TMEM164: variants seen among roughly 807,000 people sequenced by gnomAD.
TMEM164 encodes RP13-360B22.2.
TMEM164 carries 4 observed loss-of-function variants against 18.8 expected under a neutral mutation model. The observed-to-expected ratio is 0.21, with a 90% CI of 0.10 to 0.49. TMEM164 has a LOEUF of 0.49. Among genes scored for constraint, TMEM164 ranks in the 20% least tolerant of loss-of-function variants. The pLI is 0.98. For missense variants in TMEM164, 108 were observed against 239.9 expected, an observed-to-expected ratio of 0.45 and a Z score of 3.63; for synonymous variants, 86 against 101.7, an observed-to-expected ratio of 0.85 and a Z score of 0.93.
intron 2 of TMEM164, among the ~76,000 whole-genome samples, chrX:110,028,851 A>AT (rs1231079635): frequency 9.0e-6 from 1 of 111,275 alleles, no homozygotes; most frequent in African/African-American, 3.3e-5. Flanking sequence ...TTACTGGGAG[A>AT]TTTTTTAAAG....
chrX:110,108,948 G>A, intron 3 of TMEM164, 132 bp from the exon 4 acceptor site: 1 of 562,505 alleles, frequency 1.8e-6, no homozygotes, highest in Admixed American at 2.6e-5. Context: ...AAACTCCAGT[G>A]CCATTTTCCA....
At chrX:110,106,468 G>A (rs1471123203) in intron 3 of TMEM164, among the ~76,000 whole-genome samples, 1 of 107,818 alleles carries the variant, frequency 9.3e-6, no homozygotes, top group Non-Finnish European at 1.9e-5. Context: ...CTGCCTCCCA[G>A]GTTCAAGTGA....
chrX:110,052,381 C>T (rs1935598848), intron 2 of TMEM164, among the ~76,000 whole-genome samples: 1 of 112,403 alleles, frequency 8.9e-6, no homozygotes, highest in Non-Finnish European at 1.9e-5. Flanking sequence ...ACCCCTGATC[C>T]ACTAGTTCTT....
rs2067253536 is a variant in TMEM164, at chrX:110,173,192, C to T, written c.688-53C>T. 4.3e-6 allele frequency: 5 copies of T among 1,164,475 alleles called. No homozygotes were observed. The African/African-American group carries it at 5.3e-5, about 12-fold the overall frequency. ...TAGAGATGGCTGAACTGGCAGAAGC[C>T]AGAGAAAGCCTAAGGATGGTGAACG... is the stretch of plus-strand genomic sequence containing the variant. On this transcript the variant is annotated intron_variant, in intron 6 of 6. Coordinates refer to ENST00000372068, the MANE Select transcript of TMEM164 (RefSeq NM_032227.4).
chrX:110,066,667 A>G (rs1244711523), intron 2 of TMEM164, among the ~76,000 whole-genome samples: 1 of 112,169 alleles, frequency 8.9e-6, no homozygotes. Context: ...GCAGGTTTCC[A>G]AAGGCTGTAA....
intron 2 of TMEM164, among the ~76,000 whole-genome samples, chrX:110,043,414 C>A (rs1368896269): frequency 2.7e-5 from 3 of 112,181 alleles, no homozygotes; most frequent in Non-Finnish European, 5.6e-5. Flanking sequence ...TAGGCTGGGA[C>A]TTGAAGTCAG....
intron 2 of TMEM164, among the ~76,000 whole-genome samples, chrX:110,016,568 C>T (rs1244735518): frequency 2.7e-5 from 3 of 112,221 alleles, no homozygotes; most frequent in Admixed American, 9.4e-5. Context: ...TTTGAATACA[C>T]GTTAATTATG....
chrX:110,129,013 A>G (rs1159683296), intron 4 of TMEM164, among the ~76,000 whole-genome samples: 3 of 110,537 alleles, frequency 2.7e-5, no homozygotes, highest in Admixed American at 9.7e-5. Context: ...GATTTTATTT[A>G]TGGGTAGTTT....
intron 3 of TMEM164, among the ~76,000 whole-genome samples, chrX:110,069,943 G>A (rs974435973): frequency 9.0e-6 from 1 of 111,454 alleles, no homozygotes; most frequent in Non-Finnish European, 1.9e-5. Flanking sequence ...ATCTACTTAT[G>A]GATTCTCTAT....
chrX:110,183,964 A>C (rs753378515), downstream of TMEM164, among the ~76,000 whole-genome samples: 1 of 111,854 alleles, frequency 8.9e-6, no homozygotes, highest in South Asian at 3.8e-4. Context: ...ATTCTGTGTA[A>C]TACTATAATG....
At position 110,126,803 on chromosome X, in the gene TMEM164, G is replaced by GCCA. The variant is rs1452976977; in HGVS notation, c.507+17659_507+17661dup. Among the ~76,000 whole-genome samples, 85 of 93,155 alleles carry GCCA rather than the reference G, an allele frequency of 9.1e-4. 6 individuals carry two copies. The highest frequency in any genetic ancestry group is 2.3e-4 in the Non-Finnish European group (11 of 48,337). 80.9% of individuals were successfully genotyped at this position (93,155 alleles called of 115,157 possible). A position where few individuals can be genotyped will look rare whatever the true frequency, so the allele number is the denominator to read the frequency against. ...TTTTCTAGGTTTATTTCCTGGCTGG[G>GCCA]CCACTCCTGTGTGTGTGTGTGTGTG... On this transcript the variant is annotated intron_variant, in intron 4 of 6. Coordinates refer to ENST00000372068, the MANE Select transcript of TMEM164 (RefSeq NM_032227.4).
chrX:110,019,334 T>C (rs1933667055), intron 2 of TMEM164, among the ~76,000 whole-genome samples: 1 of 111,094 alleles, frequency 9.0e-6, no homozygotes, highest in Non-Finnish European at 1.9e-5. Context: ...GATTCTGCCT[T>C]TCATGATCTC....
chrX:110,021,030 A>G lies in TMEM164; in HGVS notation c.390+16866A>G, dbSNP rs1007522237. 7.6e-5 allele frequency among the ~76,000 whole-genome samples: 8 copies of G among 105,030 alleles called. No homozygotes were observed. In the East Asian group the frequency reaches 2.1e-3, roughly 28 times the overall value. 91.2% of individuals were successfully genotyped at this position (105,030 alleles called of 115,157 possible). A position where few individuals can be genotyped will look rare whatever the true frequency, so the allele number is the denominator to read the frequency against. On this transcript the variant is annotated intron_variant, in intron 2 of 6. Transcript: ENST00000372068. ...GCCTCTTTATATGTGCATGTTTATGAGCACATTTTAAAAATCTGGAAGAAT... is the reference window on the plus strand; with the variant it reads ...GCCTCTTTATATGTGCATGTTTATGGGCACATTTTAAAAATCTGGAAGAAT...
chrX:110,043,828 A>G (rs1214547617), intron 2 of TMEM164, among the ~76,000 whole-genome samples: 1 of 112,293 alleles, frequency 8.9e-6, no homozygotes, highest in Non-Finnish European at 1.9e-5. Context: ...TTTTTTTAAA[A>G]TAACAATGGG....
chrX:110,121,887 G>A (rs1222910587), intron 4 of TMEM164, among the ~76,000 whole-genome samples: 1 of 112,031 alleles, frequency 8.9e-6, no homozygotes. Context: ...TCTAGAGGGT[G>A]TGATGTCGTA....
Position 110,168,277 on chromosome X carries a change from G to T in TMEM164, c.587-3143G>T, listed in dbSNP as rs760394817. On this transcript the variant is annotated intron_variant, in intron 5 of 6. Coordinates refer to ENST00000372068, the MANE Select transcript of TMEM164 (RefSeq NM_032227.4). Reference sequence around the variant, plus strand: ...ACAGGAATGTGTGCATGCCTTAAGGGCATAGCTCTGTGCATTTTCACGCAC... The same window carrying T: ...ACAGGAATGTGTGCATGCCTTAAGGTCATAGCTCTGTGCATTTTCACGCAC... Among the ~76,000 whole-genome samples the T allele has an allele frequency of 1.2e-3, 132 of 113,322 alleles. 1 individual carries two copies. Among genetic ancestry groups the T allele is most frequent in the African/African-American group, 3.7e-3 (117 of 31,250 alleles).
chrX:110,118,773 T>A (rs2066408036), intron 4 of TMEM164, among the ~76,000 whole-genome samples: 1 of 111,204 alleles, frequency 9.0e-6, no homozygotes, highest in South Asian at 3.7e-4. Flanking sequence ...TTGTAGAGCA[T>A]GGATAGAGAT....
chrX:110,075,752 G>A (rs780236219), intron 3 of TMEM164, among the ~76,000 whole-genome samples: 23 of 111,854 alleles, frequency 2.1e-4, no homozygotes, highest in African/African-American at 6.2e-4. Context: ...TTTATGTGTC[G>A]AATCACATTT....
intron 2 of TMEM164, among the ~76,000 whole-genome samples, chrX:110,010,513 C>T (rs771520567): frequency 3.6e-4 from 41 of 112,628 alleles, no homozygotes; most frequent in African/African-American, 1.3e-3. Context: ...AATGCGGATA[C>T]CTTGTTCTCT....
Sources: allele counts gnomAD v4.1 joint callset (sites outside exome capture counted in the v4.1 genomes callset), GRCh38; gene constraint gnomAD v4.1.1; transcripts MANE v1.5; gene names NCBI Gene and HGNC (gene_info 2026-07-23, HGNC 2026-07-21).